Variants in RBMS3 observed in about 807,000 individuals in gnomAD.
RBMS3 encodes the protein RNA binding motif single stranded interacting protein 3.
RBMS3 carries 27 observed loss-of-function variants against 66.8 expected under a neutral mutation model. The ratio of observed to expected loss-of-function variants is 0.40; its 90% CI spans 0.30 to 0.56. RBMS3 has a LOEUF of 0.56. Among genes scored for constraint, RBMS3 ranks in the 20% least tolerant of loss-of-function variants. The pLI, the probability that RBMS3 is intolerant of heterozygous loss-of-function variation, is 0.40. For synonymous variants in RBMS3, 188 were observed against 183.0 expected, an observed-to-expected ratio of 1.03 and a Z score of -0.22; for missense variants, 513 against 549.5, an observed-to-expected ratio of 0.93 and a Z score of 0.66.
chr3:29,761,590 A>T (rs2055691627), intron 5 of RBMS3, among the ~76,000 whole-genome samples: 1 of 152,106 alleles, frequency 6.6e-6, no homozygotes, highest in African/African-American at 2.4e-5. Flanking sequence ...TTCCTCTCAC[A>T]TTTGAATTCT....
intron 4 of RBMS3, among the ~76,000 whole-genome samples, chr3:29,598,826 A>T (rs1348046253): frequency 2.0e-5 from 3 of 152,024 alleles, no homozygotes; most frequent in African/African-American, 7.2e-5. Flanking sequence ...TGTATTTTTT[A>T]TAAACTTAGA....
chr3:29,838,033 A>G (rs2058569120), intron 6 of RBMS3, among the ~76,000 whole-genome samples: 1 of 151,874 alleles, frequency 6.6e-6, no homozygotes, highest in African/African-American at 2.4e-5. Context: ...GCCACTTAAA[A>G]AAAAATAAGA....
chr3:29,459,039 C>G (rs1299174284), intron 2 of RBMS3, among the ~76,000 whole-genome samples: 2 of 152,186 alleles, frequency 1.3e-5, no homozygotes, highest in African/African-American at 4.8e-5. Context: ...TACTCTCTTA[C>G]CTTGGGAAGG....
chr3:29,593,450 G>T (rs1013821200), intron 4 of RBMS3, among the ~76,000 whole-genome samples: 2 of 152,178 alleles, frequency 1.3e-5, no homozygotes, highest in Non-Finnish European at 2.9e-5. Flanking sequence ...CCCTATGTAG[G>T]AAGGAAAGAG....
intron 6 of RBMS3, among the ~76,000 whole-genome samples, chr3:29,857,743 A>G (rs74733470): frequency 0.071 from 10,835 of 152,088 alleles, 1,161 homozygotes; most frequent in African/African-American, 0.22. Context: ...AATGGTGAAT[A>G]GGGCCCAGCT....
chr3:29,891,074 C>A (rs891864260), intron 8 of RBMS3, among the ~76,000 whole-genome samples: 2 of 151,364 alleles, frequency 1.3e-5, no homozygotes, highest in African/African-American at 4.8e-5. Context: ...AGCCATAGGG[C>A]TTTTTTAGTA....
At chr3:29,959,064 G>A (rs1162575385) in intron 12 of RBMS3, among the ~76,000 whole-genome samples, 1 of 152,158 alleles carries the variant, frequency 6.6e-6, no homozygotes, top group Admixed American at 6.5e-5. Context: ...TTAATGCTGA[G>A]CAGGCAGCAT....
At chr3:29,973,563 A>G (rs1425719113) in intron 12 of RBMS3, among the ~76,000 whole-genome samples, 1 of 151,964 alleles carries the variant, frequency 6.6e-6, no homozygotes, top group Non-Finnish European at 1.5e-5. Context: ...AATACTTGGC[A>G]TATAATAGGG....
chr3:29,705,263 T>C (rs2052830494), intron 4 of RBMS3, among the ~76,000 whole-genome samples: 1 of 152,200 alleles, frequency 6.6e-6, no homozygotes, highest in Non-Finnish European at 1.5e-5. Context: ...AAAATAACTT[T>C]TATGCAGAAA....
At chr3:29,860,533 G>C (rs1297626087) in intron 6 of RBMS3, among the ~76,000 whole-genome samples, 3 of 152,168 alleles carry the variant, frequency 2.0e-5, no homozygotes, top group African/African-American at 7.2e-5. Flanking sequence ...TGTAGTGCTG[G>C]AGGTTGACAT....
intron 3 of RBMS3, among the ~76,000 whole-genome samples, chr3:29,574,941 T>C (rs1355716316): frequency 1.3e-5 from 2 of 152,160 alleles, no homozygotes; most frequent in African/African-American, 4.8e-5. Context: ...TATGTCTTAT[T>C]GTACTGTCTG....
intron 1 of RBMS3, among the ~76,000 whole-genome samples, chr3:29,391,383 G>A (rs538615345): frequency 6.6e-6 from 1 of 152,052 alleles, no homozygotes; most frequent in Non-Finnish European, 1.5e-5. Context: ...AAGCCAGGTA[G>A]AACAACTGTT....
rs549409577 is a variant in RBMS3 at position 29,806,528 on chromosome 3, G to C, written c.637+43539G>C. 6.6e-5 allele frequency among the ~76,000 whole-genome samples: 10 copies of C among 152,032 alleles called. No individual in the cohort carries two copies. In the South Asian group the frequency reaches 1.9e-3, roughly 28 times the overall value. On this transcript the variant is annotated intron_variant, in intron 6 of 14. Transcript: ENST00000383767. ...AGAGTTTTGATGGATAGTGAAGAAA[G>C]CCAGCACAATTTTTAAATCTGCTTG...
intron 1 of RBMS3, among the ~76,000 whole-genome samples, chr3:29,320,468 C>CA (rs2034941607): frequency 6.6e-6 from 1 of 151,876 alleles, no homozygotes. Context: ...TTCCTGGAAA[C>CA]ATTCTATGGC....
chr3:29,360,110 G>C (rs1307614279), intron 1 of RBMS3, among the ~76,000 whole-genome samples: 2 of 151,986 alleles, frequency 1.3e-5, no homozygotes, highest in Non-Finnish European at 2.9e-5. Flanking sequence ...GTTTGCTCTT[G>C]TTTCTCTAGT....
chr3:29,733,178 G>A (rs1356799105), intron 4 of RBMS3, among the ~76,000 whole-genome samples: 1 of 151,928 alleles, frequency 6.6e-6, no homozygotes, highest in Non-Finnish European at 1.5e-5. Flanking sequence ...TTGCTTTAGA[G>A]TTGTTTCATA....
At chr3:29,643,112 AC>A (rs1389451436) in intron 4 of RBMS3, among the ~76,000 whole-genome samples, 1 of 152,132 alleles carries the variant, frequency 6.6e-6, no homozygotes, top group African/African-American at 2.4e-5. Flanking sequence ...TTCTTGGAAC[AC>A]TTTTTAAAAG....
At chr3:29,836,999 G>C (rs1217472791) in intron 6 of RBMS3, among the ~76,000 whole-genome samples, 1 of 151,986 alleles carries the variant, frequency 6.6e-6, no homozygotes, top group Non-Finnish European at 1.5e-5. Context: ...TTACTATTCA[G>C]TGGATGCAGA....
chr3:29,837,704 ATATG>A (rs1442033878), intron 6 of RBMS3, among the ~76,000 whole-genome samples: 65 of 115,982 alleles, frequency 5.6e-4, no homozygotes, highest in African/African-American at 2.2e-3. Context: ...ATATATATAT[ATATG>A]CTTATTAGCT....
Sources: allele counts gnomAD v4.1 joint callset (sites outside exome capture counted in the v4.1 genomes callset), GRCh38; gene constraint gnomAD v4.1.1; transcripts MANE v1.5; gene names NCBI Gene and HGNC (gene_info 2026-07-23, HGNC 2026-07-21).